The following QTMAN variants were observed in gnomAD, a reference collection of about 807,000 sequenced individuals.
The protein encoded by QTMAN is tRNA-queuosine alpha-mannosyltransferase.
chr2:144,062,492 G>A, the QTMAN span, among the ~76,000 whole-genome samples: 1 of 152,154 alleles, frequency 6.6e-6, no homozygotes, highest in South Asian at 2.1e-4. Context: ...ATAAATACAT[G>A]AGAAGCTTTT....
the QTMAN span, chr2:143,970,620 A>T: frequency 2.7e-3 from 2,942 of 1,071,878 alleles, 8 homozygotes; most frequent in Non-Finnish European, 3.6e-3. Flanking sequence ...TGTCATCTAT[A>T]AAAATACACA....
At chr2:144,160,303 A>G in the QTMAN span, among the ~76,000 whole-genome samples, 1 of 152,146 alleles carries the variant, frequency 6.6e-6, no homozygotes, top group African/African-American at 2.4e-5. Flanking sequence ...TTTCCTACAA[A>G]AATGTTGAGA....
the QTMAN span, among the ~76,000 whole-genome samples, chr2:143,999,227 C>T: frequency 6.6e-6 from 1 of 151,994 alleles, no homozygotes; most frequent in South Asian, 2.1e-4. Flanking sequence ...TTATGTGGTA[C>T]ACTGCACCGC....
At chr2:143,947,139 C>G in the QTMAN span, 1 of 1,606,400 alleles carries the variant, frequency 6.2e-7, no homozygotes, top group African/African-American at 1.3e-5. Context: ...TTTCACCCTG[C>G]AACGAGGAGG....
At chr2:143,981,121 G>A in the QTMAN span, among the ~76,000 whole-genome samples, 1 of 152,188 alleles carries the variant, frequency 6.6e-6, no homozygotes, top group African/African-American at 2.4e-5. Context: ...ATGATTTCAT[G>A]AATGTGTTCT....
chr2:144,322,049 T>C, the QTMAN span, among the ~76,000 whole-genome samples: 1 of 152,196 alleles, frequency 6.6e-6, no homozygotes, highest in Non-Finnish European at 1.5e-5. Context: ...ACAAAAACCT[T>C]CTTACCCTCT....
chr2:144,116,559 C>T, the QTMAN span, among the ~76,000 whole-genome samples: 1 of 152,118 alleles, frequency 6.6e-6, no homozygotes, highest in Non-Finnish European at 1.5e-5. Context: ...CTTCAAGGAC[C>T]AGTGGACTGC....
At chr2:144,175,746 C>A in the QTMAN span, among the ~76,000 whole-genome samples, 8 of 152,032 alleles carry the variant, frequency 5.3e-5, no homozygotes, top group Non-Finnish European at 1.0e-4. Context: ...CTCACTGCAA[C>A]CTCCACCTCC....
the QTMAN span, among the ~76,000 whole-genome samples, chr2:144,112,447 G>T: frequency 6.6e-6 from 1 of 152,214 alleles, no homozygotes; most frequent in Non-Finnish European, 1.5e-5. Context: ...GCCCAGGCTG[G>T]ATATTAAAGA....
the QTMAN span, among the ~76,000 whole-genome samples, chr2:144,032,988 G>A: frequency 6.6e-6 from 1 of 152,152 alleles, no homozygotes; most frequent in Non-Finnish European, 1.5e-5. Context: ...ACAAGAGACA[G>A]AAGGTAACTA....
the QTMAN span, among the ~76,000 whole-genome samples, chr2:144,028,579 C>T: frequency 2.6e-5 from 4 of 152,122 alleles, no homozygotes; most frequent in Non-Finnish European, 1.5e-5. Flanking sequence ...TCCTGGCCTC[C>T]TGGAGCCATG....
chr2:143,990,232 C>A, the QTMAN span, among the ~76,000 whole-genome samples: 5 of 151,988 alleles, frequency 3.3e-5, no homozygotes, highest in African/African-American at 1.2e-4. Flanking sequence ...GATGCAAGAG[C>A]CTGCTCTCAG....
the QTMAN span, among the ~76,000 whole-genome samples, chr2:144,148,676 T>C: frequency 8.6e-5 from 13 of 151,792 alleles, no homozygotes; most frequent in African/African-American, 3.1e-4. Context: ...CTACCACATG[T>C]CCCCCTACCC....
the QTMAN span, among the ~76,000 whole-genome samples, chr2:144,129,679 A>C: frequency 6.6e-6 from 1 of 152,084 alleles, no homozygotes; most frequent in Non-Finnish European, 1.5e-5. Flanking sequence ...ACTTACCATC[A>C]TTCATCACCC....
At chr2:144,146,542 G>C in the QTMAN span, among the ~76,000 whole-genome samples, 2 of 151,656 alleles carry the variant, frequency 1.3e-5, no homozygotes, top group African/African-American at 4.8e-5. Flanking sequence ...GTCTAACCAG[G>C]AAGAACAGAA....
the QTMAN span, among the ~76,000 whole-genome samples, chr2:144,135,495 T>A: frequency 1.3e-5 from 2 of 152,170 alleles, no homozygotes; most frequent in African/African-American, 4.8e-5. Flanking sequence ...TTCTGCTTCT[T>A]TAGGACCATT....
chr2:144,072,786 C>T, the QTMAN span, among the ~76,000 whole-genome samples: 1 of 152,144 alleles, frequency 6.6e-6, no homozygotes, highest in African/African-American at 2.4e-5. Context: ...TAATAACAGG[C>T]TTTTCATTCT....
chr2:144,246,591 A>G, the QTMAN span, among the ~76,000 whole-genome samples: 7 of 150,176 alleles, frequency 4.7e-5, no homozygotes, highest in Middle Eastern at 3.4e-3. Context: ...AAAAAAAAAA[A>G]AAAAAAAAAA....
the QTMAN span, among the ~76,000 whole-genome samples, chr2:144,260,280 T>G: frequency 2.6e-5 from 4 of 152,272 alleles, no homozygotes; most frequent in East Asian, 7.7e-4. Context: ...AGGATACTCC[T>G]GCTTCACCTT....
Sources: gnomAD v4.1 joint callset for allele counts (sites outside exome capture counted in the v4.1 genomes callset) on GRCh38, gnomAD v4.1.1 for gene constraint, MANE v1.5 for transcripts, NCBI Gene and HGNC (gene_info 2026-07-23, HGNC 2026-07-21) for gene names.